The following TRA2B variants were observed in gnomAD, a reference collection of about 807,000 sequenced individuals.
TRA2B encodes transformer-2 protein homolog beta.
TRA2B carries 14 observed loss-of-function variants against 41.7 expected under a neutral mutation model. That is an observed-to-expected ratio of 0.34 (90% CI 0.22 to 0.53). TRA2B has a LOEUF of 0.53. Ranked by LOEUF, TRA2B falls within the 20% of genes least tolerant of loss-of-function variation. The pLI, the probability that TRA2B is intolerant of heterozygous loss-of-function variation, is 0.95. For synonymous variants in TRA2B, 130 were observed against 128.8 expected, an observed-to-expected ratio of 1.01 and a Z score of -0.06; for missense variants, 167 against 396.8, an observed-to-expected ratio of 0.42 and a Z score of 4.92.
intron 3 of TRA2B, 115 bp downstream of exon 3, chr3:185,925,349 C>G: frequency 8.1e-7 from 1 of 1,239,294 alleles, no homozygotes; most frequent in Non-Finnish European, 1.1e-6. Context: ...AAAAAAGCCT[C>G]TGAAGATTTC....
chr3:185,929,715 T>C (rs540392629), intron 1 of TRA2B, among the ~76,000 whole-genome samples: 2 of 152,184 alleles, frequency 1.3e-5, no homozygotes, highest in Admixed American at 1.3e-4. Flanking sequence ...CCAATCCCTG[T>C]ATTATTTTAA....
At chr3:185,919,517 C>A (rs1743633124) in intron 6 of TRA2B, 21 bp from the exon 7 acceptor site, 1 of 1,598,226 alleles carries the variant, frequency 6.3e-7, no homozygotes. Flanking sequence ...AGAAAGGCAA[C>A]ACAACACGCA....
rs183344663 is a variant in TRA2B at position 185,915,067 on chromosome 3, C to T, written c.*2648G>A. Among the ~76,000 whole-genome samples the T allele has an allele frequency of 3.3e-5, 5 of 152,260 alleles. No individual in the cohort carries two copies. The East Asian group carries it at 5.8e-4, about 18-fold the overall frequency. On this transcript the variant is annotated 3_prime_UTR_variant, in exon 9 of 9. Coordinates refer to ENST00000453386, the MANE Select transcript of TRA2B (RefSeq NM_004593.3). Reference sequence around the variant, plus strand: ...ATGTGCAAGCTAGATCCCTCTCAAGCGCACTTCACAATAGGATTCCTGCTA... The same window carrying T: ...ATGTGCAAGCTAGATCCCTCTCAAGTGCACTTCACAATAGGATTCCTGCTA...
Position 185,937,925 on chromosome 3 carries a change from T to C in TRA2B, c.-65A>G. 1.9e-6 allele frequency: 3 copies of C among 1,598,144 alleles called. No individual in the cohort carries two copies. Among genetic ancestry groups the C allele is most frequent in the East Asian group, 2.2e-5 (1 of 44,630 alleles). On this transcript the variant is annotated 5_prime_UTR_variant, in exon 1 of 9. Coordinates refer to ENST00000453386, the MANE Select transcript of TRA2B (RefSeq NM_004593.3). ...AAGCTGCCAACCTCTTGCACCTTCC[T>C]TAAGGAGGCTCCGCCGCAGCCCCGC... is the stretch of plus-strand genomic sequence containing the variant.
In TRA2B at chr3:185,922,161, G is replaced by A. The variant is rs575184604; in HGVS notation, c.523-35C>T. ...GTAAATAAATTGTTACATACATCCT[G>A]AACAAAGCCACTAATTATCCTGTGG... On this transcript the variant is annotated intron_variant, in intron 4 of 8. Transcript: ENST00000453386. 4.7e-6 allele frequency: 7 copies of A among 1,496,402 alleles called. No homozygotes were observed. In the Admixed American group the frequency reaches 7.0e-5, roughly 15 times the overall value. 92.7% of individuals were successfully genotyped at this position (1,496,402 alleles called of 1,614,324 possible).
intron 1 of TRA2B, chr3:185,934,354 A>G (rs758495486): frequency 8.7e-5 from 86 of 985,294 alleles, no homozygotes; most frequent in Non-Finnish European, 1.0e-4. Context: ...AACGCTATGT[A>G]AGGCAAATCC....
At chr3:185,934,032 G>A (rs2150119385) in intron 1 of TRA2B, among the ~76,000 whole-genome samples, 1 of 152,214 alleles carries the variant, frequency 6.6e-6, no homozygotes, top group South Asian at 2.1e-4. Flanking sequence ...TTTCAAGACT[G>A]TAATTTGCTA....
intron 1 of TRA2B, chr3:185,928,507 G>A (rs1744035139): frequency 2.0e-5 from 3 of 152,122 alleles, no homozygotes; most frequent in Non-Finnish European, 4.4e-5. Context: ...CAATCCCTTG[G>A]AATTCCCTAT....
intron 7 of TRA2B, 136 bp from the exon 8 acceptor site, chr3:185,918,574 TA>T: frequency 1.9e-6 from 1 of 520,330 alleles, no homozygotes; most frequent in Non-Finnish European, 3.4e-6. Context: ...AAGGTCTGTT[TA>T]AATCTTGAGA....
intron 6 of TRA2B, 48 bp from the exon 7 acceptor site, chr3:185,919,544 T>G: frequency 6.7e-7 from 1 of 1,492,578 alleles, no homozygotes; most frequent in Non-Finnish European, 9.2e-7. Flanking sequence ...TTGTAAGTTT[T>G]AAAAAATTAT....
Position 185,937,988 on chromosome 3 carries a change from GCTCCGCACCGC to G in TRA2B, c.-139_-129del. 1.9e-6 allele frequency: 2 copies of G among 1,065,462 alleles called. No homozygotes were observed. The allele number at this position is 1,065,462 out of a possible 1,614,324, so 66.0% of individuals were successfully genotyped here. On this transcript the variant is annotated 5_prime_UTR_variant, in exon 1 of 9. Transcript: ENST00000453386. Reference sequence around the variant, plus strand: ...TCGCCCAGCCGCTCAGAGCCGAAATGCTCCGCACCGCCTCCGCACGGGCTCTAACTCTACCG... The same window carrying G: ...TCGCCCAGCCGCTCAGAGCCGAAATGCTCCGCACGGGCTCTAACTCTACCG...
At chr3:185,934,578 A>T in intron 1 of TRA2B, 2 of 985,420 alleles carry the variant, frequency 2.0e-6, no homozygotes, top group Non-Finnish European at 2.4e-6. Context: ...GACTCACAAT[A>T]CAAAACAATT....
intron 1 of TRA2B, among the ~76,000 whole-genome samples, chr3:185,931,238 C>G (rs1296437647): frequency 1.3e-5 from 2 of 152,068 alleles, no homozygotes; most frequent in African/African-American, 4.8e-5. Context: ...TCTAAGAGTC[C>G]AGGGAGGTGG....
intron 1 of TRA2B, chr3:185,936,394 A>G: frequency 1.0e-6 from 1 of 985,440 alleles, no homozygotes; most frequent in Non-Finnish European, 1.2e-6. Context: ...ATTGGAGTCA[A>G]TCGGCTTCGG....
intron 2 of TRA2B, among the ~76,000 whole-genome samples, chr3:185,926,137 AATGGTATCGCC>A (rs1248474289): frequency 2.6e-5 from 4 of 152,096 alleles, no homozygotes; most frequent in Non-Finnish European, 5.9e-5. Flanking sequence ...CACAGGCATA[AATGGTATCGCC>A]CCAGGCAAAC....
Position 185,937,621 on chromosome 3 carries a change from G to A in TRA2B, c.36+204C>T, listed in dbSNP as rs117963945. Among the ~76,000 whole-genome samples, 124 of 152,334 alleles carry A rather than the reference G, an allele frequency of 8.1e-4. 2 individuals carry two copies. In the East Asian group the frequency reaches 0.02, roughly 24 times the overall value. On this transcript the variant is annotated intron_variant, in intron 1 of 8. Coordinates refer to ENST00000453386, the MANE Select transcript of TRA2B (RefSeq NM_004593.3). ...GCAGAAGCCACATAAACCCGCCGGG[G>A]GCCTCCCTCCTTCACGACCAAAGGC...
At chr3:185,937,577 G>A (rs1014359202) in intron 1 of TRA2B, 6 of 649,870 alleles carry the variant, frequency 9.2e-6, no homozygotes, top group Non-Finnish European at 1.1e-5. Context: ...TCTTATAACG[G>A]GAAAAACGGC....
intron 6 of TRA2B, among the ~76,000 whole-genome samples, chr3:185,920,810 T>G (rs543008910): frequency 6.6e-6 from 1 of 152,152 alleles, no homozygotes; most frequent in Non-Finnish European, 1.5e-5. Flanking sequence ...ATTACAGGCG[T>G]GAGCTACTGC....
chr3:185,931,975 ACT>A, intron 1 of TRA2B: 1 of 690,896 alleles, frequency 1.4e-6, no homozygotes, highest in Non-Finnish European at 2.1e-6. Context: ...AAAAAAAGAA[ACT>A]AGAATATGCA....
Sources: allele counts gnomAD v4.1 joint callset (sites outside exome capture counted in the v4.1 genomes callset), GRCh38; gene constraint gnomAD v4.1.1; transcripts MANE v1.5; gene names NCBI Gene and HGNC (gene_info 2026-07-23, HGNC 2026-07-21).